The following PATJ variants were observed in gnomAD, a reference collection of about 807,000 sequenced individuals.
PATJ encodes PATJ crumbs cell polarity complex component.
A neutral mutation model predicts 224.9 loss-of-function variants in PATJ; 190 were observed. That is an observed-to-expected ratio of 0.84 (90% CI 0.75 to 0.95). The LOEUF is 0.95. Ranked by LOEUF, PATJ falls within the 40% of genes least tolerant of loss-of-function variation. PATJ has a pLI of 0.00. For synonymous variants in PATJ, 769 were observed against 820.3 expected (o/e 0.94, Z 1.07); for missense variants, 2,121 against 2,270.3 (o/e 0.93, Z 1.34).
intron 27 of PATJ, among the ~76,000 whole-genome samples, chr1:61,960,663 CAA>C (rs1163415331): frequency 2.1e-4 from 21 of 98,376 alleles, no homozygotes; most frequent in African/African-American, 1.9e-4. Context: ...AACTCCATCT[CAA>C]AAAAAAAAAA....
rs746900618 is a variant in PATJ at position 62,128,928 on chromosome 1, G to A, written c.5254G>A (p.Gly1752Arg). 3 of 1,610,124 alleles carry A rather than the reference G, an allele frequency of 1.9e-6. No homozygotes were observed. Among genetic ancestry groups the A allele is most frequent in the East Asian group, 2.2e-5 (1 of 44,832 alleles). ...DVVNLLKNAY[G>R]RIILQVVADT... The stretch of plus-strand genomic sequence containing the variant: ...GGTTAATCTGCTGAAGAACGCCTAC[G>A]GGCGCATTATCCTGCAGGTATTGCG... Residue 1752 changes from glycine to arginine, a missense_variant, in exon 41 of 44, where the codon GGG becomes AGG. Coordinates refer to ENST00000642238, the MANE Select transcript of PATJ (RefSeq NM_001350145.3).
At chr1:62,038,728 ATAAATAGCTATATATAG>A in intron 30 of PATJ, 1 of 346,624 alleles carries the variant, frequency 2.9e-6, no homozygotes, top group South Asian at 3.3e-5. Flanking sequence ...TACAGTAAAC[ATAAATAGCTATATATAG>A]TGTCCCTTTT....
chr1:61,754,520 G>GTTTTTTTTTTT, intron 1 of PATJ, among the ~76,000 whole-genome samples: 1 of 94,448 alleles, frequency 1.1e-5, no homozygotes, highest in Non-Finnish European at 2.1e-5. Flanking sequence ...TTTTTTGCAT[G>GTTTTTTTTTTT]TTTTTTTTTT....
intron 7 of PATJ, among the ~76,000 whole-genome samples, chr1:61,777,674 T>C (rs2148414695): frequency 6.7e-6 from 1 of 150,274 alleles, no homozygotes; most frequent in Non-Finnish European, 1.5e-5. Flanking sequence ...ATGGATATTC[T>C]ATTTTCTTCC....
chr1:61,866,795 A>G (rs1354137571), intron 20 of PATJ, among the ~76,000 whole-genome samples: 3 of 152,214 alleles, frequency 2.0e-5, no homozygotes, highest in African/African-American at 4.8e-5. Flanking sequence ...TTAGGAAAGT[A>G]AAAGAATAAA....
intron 9 of PATJ, 28 bp from the exon 10 acceptor site, chr1:61,795,439 C>A: frequency 7.1e-7 from 1 of 1,416,308 alleles, no homozygotes; most frequent in Non-Finnish European, 9.7e-7. Context: ...AATTTTCTTC[C>A]TTTTTCCGTA....
chr1:61,783,348 A>AT (rs1266160047), intron 7 of PATJ, among the ~76,000 whole-genome samples: 1 of 151,976 alleles, frequency 6.6e-6, no homozygotes, highest in Admixed American at 6.6e-5. Context: ...CTGGCCTGGA[A>AT]TCAAACATAG....
chr1:61,973,659 C>T (rs1557970956), intron 27 of PATJ, among the ~76,000 whole-genome samples: 1 of 151,872 alleles, frequency 6.6e-6, no homozygotes, highest in Non-Finnish European at 1.5e-5. Flanking sequence ...TTAGCCCAAC[C>T]CCAGCACATT....
Position 61,766,391 on chromosome 1 carries a change from A to G in PATJ, c.302A>G (p.Asn101Ser). The change falls in exon 4 of 44, where the codon AAC (asparagine) becomes AGC (serine). Residue 101 changes from asparagine (N) to serine (S), a missense_variant. Asn to Ser is a conservative substitution (Grantham distance 46). Coordinates refer to ENST00000642238, the MANE Select transcript of PATJ (RefSeq NM_001350145.3). ...TNGNVHRPSN[N>S]STVSGLFPWT... is the part of the protein sequence containing the mutation. The stretch of plus-strand genomic sequence containing the variant: ...GGAAATGTCCACAGGCCCTCTAATA[A>G]CTCGACTGTATCTGGGTTATTTCCG... The G allele has an allele frequency of 6.2e-7, 1 of 1,612,586 alleles. No individual in the cohort carries two copies. Among genetic ancestry groups the G allele is most frequent in the Non-Finnish European group, 8.5e-7 (1 of 1,179,372 alleles).
intron 7 of PATJ, among the ~76,000 whole-genome samples, chr1:61,776,178 T>C (rs1646903134): frequency 6.6e-6 from 1 of 152,242 alleles, no homozygotes; most frequent in South Asian, 2.1e-4. Flanking sequence ...GTTCCTATCA[T>C]CATTTCAGCT....
intron 41 of PATJ, among the ~76,000 whole-genome samples, chr1:62,145,405 T>C (rs1393694997): frequency 6.6e-6 from 1 of 152,228 alleles, no homozygotes; most frequent in Admixed American, 6.6e-5. Context: ...CTCACGCCTG[T>C]AATCCTCCTT....
intron 27 of PATJ, among the ~76,000 whole-genome samples, chr1:61,954,358 C>T (rs559026698): frequency 6.6e-6 from 1 of 152,208 alleles, no homozygotes; most frequent in African/African-American, 2.4e-5. Flanking sequence ...GATGAGGCCT[C>T]GGTCTGTAGA....
chr1:61,809,678 C>T (rs554690037), intron 14 of PATJ, among the ~76,000 whole-genome samples: 4 of 151,896 alleles, frequency 2.6e-5, no homozygotes, highest in African/African-American at 4.8e-5. Flanking sequence ...TGAGCCACAG[C>T]GCCAGGCTAA....
chr1:62,034,291 A>G (rs1172203773), intron 29 of PATJ, among the ~76,000 whole-genome samples: 1 of 151,976 alleles, frequency 6.6e-6, no homozygotes, highest in African/African-American at 2.4e-5. Context: ...AAAAATACCA[A>G]AATTAGCTGC....
chr1:61,928,820 TA>T (rs869166799), intron 27 of PATJ, among the ~76,000 whole-genome samples: 2 of 148,794 alleles, frequency 1.3e-5, no homozygotes, highest in East Asian at 3.9e-4. Context: ...AAATATAAAA[TA>T]AATAACTTTA....
chr1:61,871,063 GGTTTTTGTT>G (rs1167698254), intron 20 of PATJ, among the ~76,000 whole-genome samples: 5 of 116,212 alleles, frequency 4.3e-5, no homozygotes, highest in African/African-American at 9.4e-5. Context: ...TTAAAGATTT[GGTTTTTGTT>G]TTTTTTGTTT....
intron 21 of PATJ, among the ~76,000 whole-genome samples, chr1:61,883,093 G>A (rs1472680507): frequency 1.3e-5 from 2 of 152,132 alleles, no homozygotes; most frequent in East Asian, 1.9e-4. Context: ...ATCTATTGTG[G>A]TGAGACTAAA....
In PATJ at chr1:61,883,105, G is replaced by T. The variant is rs1159562103; in HGVS notation, c.2960-1132G>T. On this transcript the variant is annotated intron_variant, in intron 21 of 43. Coordinates refer to ENST00000642238, the MANE Select transcript of PATJ (RefSeq NM_001350145.3). ...ATGATCTATTGTGGTGAGACTAAAG[G>T]AGCTTTCTTTAGTTTATTTGGGCAA... Among the ~76,000 whole-genome samples the T allele has an allele frequency of 2.0e-5, 3 of 152,062 alleles. No individual in the cohort carries two copies. In the East Asian group the frequency reaches 5.8e-4, roughly 29 times the overall value.
chr1:62,057,560 G>A (rs1654760485), intron 31 of PATJ, among the ~76,000 whole-genome samples: 1 of 152,184 alleles, frequency 6.6e-6, no homozygotes, highest in African/African-American at 2.4e-5. Context: ...CAGTCCATGA[G>A]AGATGGTGGA....
Sources: gnomAD v4.1 joint callset for allele counts (sites outside exome capture counted in the v4.1 genomes callset) on GRCh38, gnomAD v4.1.1 for gene constraint, MANE v1.5 for transcripts, NCBI Gene and HGNC (gene_info 2026-07-23, HGNC 2026-07-21) for gene names.